The following LRRC4C variants were observed in gnomAD, a reference collection of about 807,000 sequenced individuals.
LRRC4C encodes leucine-rich repeat-containing protein 4C.
LRRC4C carries 5 observed loss-of-function variants against 33.6 expected under a neutral mutation model. The observed-to-expected ratio is 0.15, with a 90% CI of 0.08 to 0.31. The LOEUF (loss-of-function observed/expected upper bound fraction) is 0.31, where lower values mean the gene tolerates loss of function less well. Among genes scored for constraint, LRRC4C ranks in the 10% least tolerant of loss-of-function variants. The pLI, the probability that LRRC4C is intolerant of heterozygous loss-of-function variation, is 1.00. For synonymous variants in LRRC4C, 329 were observed against 302.0 expected, an observed-to-expected ratio of 1.09 and a Z score of -0.93; for missense variants, 560 against 796.7, an observed-to-expected ratio of 0.70 and a Z score of 3.58.
At chr11:40,648,412 T>C (rs541116169) in intron 2 of LRRC4C, 134 bp from the exon 3 acceptor site, 103 of 152,336 alleles carry the variant, frequency 6.8e-4, no homozygotes, top group African/African-American at 2.4e-3. Flanking sequence ...TTTTATTTTT[T>C]GTATGATAGA....
chr11:40,537,810 C>T (rs374224180), intron 3 of LRRC4C, among the ~76,000 whole-genome samples: 6 of 152,084 alleles, frequency 3.9e-5, no homozygotes, highest in Admixed American at 1.3e-4. Flanking sequence ...ATGTAAAACC[C>T]GCATGACCAT....
intron 3 of LRRC4C, among the ~76,000 whole-genome samples, chr11:40,512,060 A>G (rs547224760): frequency 9.8e-5 from 15 of 152,310 alleles, no homozygotes; most frequent in Non-Finnish European, 1.9e-4. Flanking sequence ...AAAAATCCAT[A>G]TAGGCCTGAC....
intron 2 of LRRC4C, among the ~76,000 whole-genome samples, chr11:40,893,455 C>T (rs1334979114): frequency 6.6e-6 from 1 of 151,870 alleles, no homozygotes; most frequent in African/African-American, 2.4e-5. Flanking sequence ...GTTATTGTTA[C>T]ACATTTCAAG....
At chr11:40,935,185 AG>A (rs1257060221) in intron 1 of LRRC4C, among the ~76,000 whole-genome samples, 1 of 152,180 alleles carries the variant, frequency 6.6e-6, no homozygotes, top group Non-Finnish European at 1.5e-5. Context: ...TATTCAAAAC[AG>A]GTATGTAGTA....
intron 1 of LRRC4C, among the ~76,000 whole-genome samples, chr11:41,452,405 G>C (rs1484532793): frequency 6.6e-6 from 1 of 152,042 alleles, no homozygotes; most frequent in Non-Finnish European, 1.5e-5. Context: ...AAATATAATT[G>C]AATATCTACA....
intron 1 of LRRC4C, among the ~76,000 whole-genome samples, chr11:41,115,100 T>A (rs1252988183): frequency 6.6e-6 from 1 of 152,096 alleles, no homozygotes; most frequent in Non-Finnish European, 1.5e-5. Context: ...TAATAAAAAG[T>A]TATAAACATT....
At chr11:41,232,243 G>A (rs899938608) in intron 1 of LRRC4C, among the ~76,000 whole-genome samples, 1 of 151,988 alleles carries the variant, frequency 6.6e-6, no homozygotes, top group Non-Finnish European at 1.5e-5. Flanking sequence ...AAGTGTGCCT[G>A]TCTAACACTC....
At chr11:40,362,817 T>G (rs1182694762) in intron 3 of LRRC4C, among the ~76,000 whole-genome samples, 1 of 152,200 alleles carries the variant, frequency 6.6e-6, no homozygotes, top group Non-Finnish European at 1.5e-5. Flanking sequence ...ATGAAAATGC[T>G]CAACATCACT....
At chr11:40,537,927 G>A (rs1188268359) in intron 3 of LRRC4C, among the ~76,000 whole-genome samples, 5 of 152,106 alleles carry the variant, frequency 3.3e-5, no homozygotes, top group African/African-American at 7.2e-5. Context: ...CAACTTGAGA[G>A]TCTGTTAGGA....
At position 41,252,015 on chromosome 11, in the gene LRRC4C, G is replaced by T. The variant is rs78905615; in HGVS notation, c.-496+207416C>A. ...ATGCCAGGTGTTAATATGAAAAAAAGAATTGAACAGCAATATAAAGAAATA... is the reference window on the plus strand; with the variant it reads ...ATGCCAGGTGTTAATATGAAAAAAATAATTGAACAGCAATATAAAGAAATA... On this transcript the variant is annotated intron_variant, in intron 1 of 6. Transcript: ENST00000528697. Among the ~76,000 whole-genome samples the T allele has an allele frequency of 5.9e-3, 898 of 152,184 alleles. 12 individuals are homozygous for T. The highest frequency in any genetic ancestry group is 0.02 in the African/African-American group (847 of 41,530).
In LRRC4C at chr11:40,449,047, C is replaced by A. The variant is rs893335921; in HGVS notation, c.-269-129326G>T. 4.5e-4 allele frequency among the ~76,000 whole-genome samples: 68 copies of A among 152,086 alleles called. 1 individual carries two copies. The highest frequency in any genetic ancestry group is 3.1e-4 in the Non-Finnish European group (21 of 68,014). ...TGTTTGTTGGCTGCATAAATGTCTT[C>A]TTTTGAGAAGTGTCTGTTCATATCC... is the stretch of plus-strand genomic sequence containing the variant. On this transcript the variant is annotated intron_variant, in intron 3 of 6. Transcript: ENST00000528697.
At chr11:41,120,905 C>G (rs183309173) in intron 1 of LRRC4C, among the ~76,000 whole-genome samples, 1 of 152,110 alleles carries the variant, frequency 6.6e-6, no homozygotes, top group Non-Finnish European at 1.5e-5. Flanking sequence ...TTTGCTCTCT[C>G]TTTATCCTAC....
chr11:41,112,884 A>T (rs533724400), intron 1 of LRRC4C, among the ~76,000 whole-genome samples: 5 of 152,220 alleles, frequency 3.3e-5, no homozygotes, highest in Admixed American at 2.0e-4. Flanking sequence ...AACAAAAAAC[A>T]TATATGAGTA....
intron 1 of LRRC4C, among the ~76,000 whole-genome samples, chr11:41,059,212 T>TGTTTTG (rs1555056823): frequency 1.7e-4 from 24 of 145,098 alleles, no homozygotes; most frequent in African/African-American, 6.0e-4. Flanking sequence ...AAATAAAAGT[T>TGTTTTG]TTTTTTTTTT....
chr11:41,219,085 T>C (rs1026142117), intron 1 of LRRC4C, among the ~76,000 whole-genome samples: 2 of 152,122 alleles, frequency 1.3e-5, no homozygotes, highest in African/African-American at 4.8e-5. Flanking sequence ...ATGTCACTTA[T>C]TAAGTCAAAT....
At chr11:41,122,040 CAT>C (rs1942460446) in intron 1 of LRRC4C, among the ~76,000 whole-genome samples, 1 of 151,990 alleles carries the variant, frequency 6.6e-6, no homozygotes, top group Non-Finnish European at 1.5e-5. Flanking sequence ...ATTTGTGGTA[CAT>C]ATAATAAACA....
In LRRC4C at chr11:40,669,790, T is replaced by C. The variant is rs555094773; in HGVS notation, c.-406-21512A>G. On this transcript the variant is annotated intron_variant, in intron 2 of 6. Coordinates refer to ENST00000528697, the MANE Select transcript of LRRC4C (RefSeq NM_001258419.2). ...TTATTTTCTGCTTTATACATATTTA[T>C]GTCCAATGTAACACTCTGCTGGCTA... Among the ~76,000 whole-genome samples, 7 of 152,374 alleles carry C rather than the reference T, an allele frequency of 4.6e-5. No individual in the cohort carries two copies. In the South Asian group the frequency reaches 1.4e-3, roughly 32 times the overall value.
intron 1 of LRRC4C, among the ~76,000 whole-genome samples, chr11:41,241,030 C>T (rs1456687963): frequency 6.6e-6 from 1 of 152,106 alleles, no homozygotes; most frequent in East Asian, 1.9e-4. Context: ...CTATAATTAC[C>T]TTGCTTTACA....
intron 1 of LRRC4C, among the ~76,000 whole-genome samples, chr11:41,113,871 G>T (rs2135718128): frequency 6.6e-6 from 1 of 151,980 alleles, no homozygotes; most frequent in East Asian, 1.9e-4. Flanking sequence ...CTCTTTAACA[G>T]AATAGAAGGT....
Sources: allele counts gnomAD v4.1 joint callset (sites outside exome capture counted in the v4.1 genomes callset), GRCh38; gene constraint gnomAD v4.1.1; transcripts MANE v1.5; gene names NCBI Gene and HGNC (gene_info 2026-07-23, HGNC 2026-07-21).